The following POF1B variants were observed in gnomAD, a reference collection of about 807,000 sequenced individuals.
POF1B encodes protein POF1B.
POF1B carries 53 observed loss-of-function variants against 55.3 expected under a neutral mutation model. That is an observed-to-expected ratio of 0.96 (90% CI 0.77 to 1.20). The LOEUF is 1.20. POF1B is among the 50% of genes most tolerant of loss of function. POF1B has a pLI of 0.00. For synonymous variants in POF1B, 188 were observed against 148.3 expected (o/e 1.27, Z -1.95); for missense variants, 478 against 420.5 (o/e 1.14, Z -1.20).
chrX:85,335,455 C>A (rs1933054429), intron 6 of POF1B, among the ~76,000 whole-genome samples: 1 of 111,191 alleles, frequency 9.0e-6, no homozygotes, highest in Non-Finnish European at 1.9e-5. Context: ...CATAGTTAAT[C>A]CAGTGGGCAT....
rs192555854 is a variant in POF1B, at chrX:85,285,527, A to C, written c.1650-3210T>G. Among the ~76,000 whole-genome samples the C allele has an allele frequency of 9.2e-5, 10 of 109,068 alleles. No individual in the cohort carries two copies. In the East Asian group the frequency reaches 2.9e-3, roughly 32 times the overall value. 94.7% of individuals were successfully genotyped at this position (109,068 alleles called of 115,157 possible). A position where few individuals can be genotyped will look rare whatever the true frequency, so the allele number is the denominator to read the frequency against. On this transcript the variant is annotated intron_variant, in intron 15 of 16. Transcript: ENST00000262753. The stretch of plus-strand genomic sequence containing the variant: ...GGACATGGATGAAGCTGGAAACCAT[A>C]ATTCTGAGCAAACTACCGCAAGGAC...
intron 7 of POF1B, among the ~76,000 whole-genome samples, chrX:85,325,794 C>A: frequency 8.9e-6 from 1 of 111,896 alleles, no homozygotes; most frequent in South Asian, 3.7e-4. Context: ...TATCTCTAAT[C>A]TTTGTGGGCT....
chrX:85,376,234 A>T (rs562947052), intron 2 of POF1B, among the ~76,000 whole-genome samples: 2 of 111,847 alleles, frequency 1.8e-5, no homozygotes, highest in East Asian at 5.6e-4. Context: ...CTCGAACTTC[A>T]TGAAAACCTT....
intron 15 of POF1B, among the ~76,000 whole-genome samples, chrX:85,287,889 A>G (rs1932091472): frequency 9.0e-6 from 1 of 111,523 alleles, no homozygotes; most frequent in Admixed American, 9.5e-5. Flanking sequence ...AGGATACTAC[A>G]TTAATCCAGC....
At chrX:85,305,692 C>T (rs189495551) in intron 13 of POF1B, 99 bp downstream of exon 13, 1 of 943,040 alleles carries the variant, frequency 1.1e-6, no homozygotes, top group African/African-American at 2.0e-5. Flanking sequence ...ACTCTACCTT[C>T]AGCTAATTTT....
At chrX:85,280,860 CAG>C (rs1466153919) in intron 16 of POF1B, among the ~76,000 whole-genome samples, 7 of 110,887 alleles carry the variant, frequency 6.3e-5, no homozygotes, top group Non-Finnish European at 9.5e-5. Flanking sequence ...ATTCTGTTAG[CAG>C]AGTTTTTCAA....
intron 7 of POF1B, among the ~76,000 whole-genome samples, chrX:85,322,860 GC>G (rs1410877794): frequency 1.8e-5 from 2 of 111,436 alleles, no homozygotes; most frequent in Non-Finnish European, 3.8e-5. Context: ...ACCATCACTG[GC>G]CATCAGAGAA....
At chrX:85,311,385 T>A (rs1182439704) in intron 9 of POF1B, among the ~76,000 whole-genome samples, 2 of 106,120 alleles carry the variant, frequency 1.9e-5, no homozygotes, top group Non-Finnish European at 3.9e-5. Context: ...GGCCCCAGTG[T>A]GTGATGTTCC....
intron 15 of POF1B, among the ~76,000 whole-genome samples, chrX:85,282,929 T>C (rs1931939713): frequency 9.0e-6 from 1 of 111,107 alleles, no homozygotes; most frequent in Non-Finnish European, 1.9e-5. Flanking sequence ...CTCATAGGGA[T>C]GGTAATGTTT....
intron 7 of POF1B, among the ~76,000 whole-genome samples, chrX:85,325,022 A>G (rs980066783): frequency 7.2e-5 from 8 of 111,701 alleles, no homozygotes; most frequent in African/African-American, 2.6e-4. Context: ...ACAGGCCCCC[A>G]TTCTCTTTTG....
intron 4 of POF1B, among the ~76,000 whole-genome samples, chrX:85,352,977 G>T (rs937103506): frequency 2.7e-5 from 3 of 110,967 alleles, no homozygotes; most frequent in Non-Finnish European, 5.7e-5. Flanking sequence ...TTTCTTTACA[G>T]AAAAATTATG....
At chrX:85,281,730 A>AT (rs1569276509) in intron 16 of POF1B, among the ~76,000 whole-genome samples, 1 of 106,121 alleles carries the variant, frequency 9.4e-6, no homozygotes, top group African/African-American at 3.4e-5. Flanking sequence ...TAATATATAT[A>AT]ATATATATAT....
chrX:85,379,154 A>T lies in POF1B; in HGVS notation c.282+19T>A, dbSNP rs1369674505. ...GATTGCCTTTCTCCACTAGTCTGGC[A>T]TAGCTTTCTTTGTTGTACCTGAGAA... is the stretch of plus-strand genomic sequence containing the variant. On this transcript the variant is annotated intron_variant, in intron 2 of 16. Transcript: ENST00000262753. 1 of 1,204,662 alleles carries T rather than the reference A, an allele frequency of 8.3e-7. No individual in the cohort carries two copies. The highest frequency in any genetic ancestry group is 1.7e-5 in the African/African-American group (1 of 57,627).
intron 7 of POF1B, among the ~76,000 whole-genome samples, chrX:85,316,345 T>A (rs1441535119): frequency 1.8e-5 from 2 of 111,584 alleles, no homozygotes; most frequent in Admixed American, 1.9e-4. Context: ...ATTTCCAGCA[T>A]CATAATGAGG....
At chrX:85,282,368 C>T in intron 15 of POF1B, 51 bp from the exon 16 acceptor site, 1 of 910,159 alleles carries the variant, frequency 1.1e-6, no homozygotes, top group Non-Finnish European at 1.5e-6. Context: ...AAATAACTTT[C>T]ATTCCTTTTT....
Position 85,379,408 on chromosome X carries a change from G to T in POF1B, c.47C>A (p.Thr16Asn), listed in dbSNP as rs749094973. The T allele has an allele frequency of 8.3e-7, 1 of 1,209,659 alleles. No individual in the cohort carries two copies. The highest frequency in any genetic ancestry group is 1.7e-5 in the African/African-American group (1 of 57,617). Residue 16 changes from threonine to asparagine, a missense_variant, in exon 2 of 17, where the codon ACC becomes AAC. Physicochemically the swap from Thr to Asn is moderately conservative, Grantham distance 65. Transcript: ENST00000262753. The part of the protein sequence containing the change: ...WSETSSSSCG[T>N]QQLPEVLQCQ... ...CTGCAGCACCTCTGGGAGCTGCTGG[G>T]TTCCACAGCTGCTGCTGCTCGTCTC...
chrX:85,332,565 G>A (rs1569290474), intron 6 of POF1B, among the ~76,000 whole-genome samples: 1 of 111,081 alleles, frequency 9.0e-6, no homozygotes, highest in African/African-American at 3.3e-5. Flanking sequence ...GCATATAGAT[G>A]GTAAATGGAT....
At chrX:85,283,502 A>G (rs1931958146) in intron 15 of POF1B, among the ~76,000 whole-genome samples, 1 of 111,195 alleles carries the variant, frequency 9.0e-6, no homozygotes, top group South Asian at 3.7e-4. Context: ...ATACATCAAA[A>G]TAAATAATTT....
At chrX:85,310,575 T>C (rs945589206) in intron 9 of POF1B, among the ~76,000 whole-genome samples, 1 of 111,586 alleles carries the variant, frequency 9.0e-6, no homozygotes, top group South Asian at 3.7e-4. Flanking sequence ...TTAGAAAAAA[T>C]TAAACAGAGC....
Sources: allele counts gnomAD v4.1 joint callset (sites outside exome capture counted in the v4.1 genomes callset), GRCh38; gene constraint gnomAD v4.1.1; transcripts MANE v1.5; gene names NCBI Gene and HGNC (gene_info 2026-07-23, HGNC 2026-07-21).